Variants in OR9Q1 observed in about 807,000 individuals in gnomAD.
OR9Q1 encodes the protein olfactory receptor 9Q1.
For synonymous variants in OR9Q1, 153 were observed against 148.6 expected, an observed-to-expected ratio of 1.03 and a Z score of -0.22; for missense variants, 374 against 378.8, an observed-to-expected ratio of 0.99 and a Z score of 0.11.
At chr11:58,159,454 TAA>T (rs71061579) in intron 2 of OR9Q1, among the ~76,000 whole-genome samples, 4 of 147,282 alleles carry the variant, frequency 2.7e-5, no homozygotes, top group African/African-American at 5.0e-5. Flanking sequence ...TTACAGAAGT[TAA>T]AAAAAAAAAC....
intron 2 of OR9Q1, among the ~76,000 whole-genome samples, chr11:58,152,549 T>C (rs1854363881): frequency 6.6e-6 from 1 of 152,216 alleles, no homozygotes; most frequent in Non-Finnish European, 1.5e-5. Context: ...TATATTTCTT[T>C]TGTAAATTTT....
chr11:58,042,062 T>A (rs1404049712), intron 1 of OR9Q1, among the ~76,000 whole-genome samples: 1 of 152,274 alleles, frequency 6.6e-6, no homozygotes, highest in Non-Finnish European at 1.5e-5. Context: ...GTTTAAGGAA[T>A]GTTTATGGAG....
chr11:58,166,341 A>T (rs1482401580), intron 2 of OR9Q1, among the ~76,000 whole-genome samples: 1 of 152,082 alleles, frequency 6.6e-6, no homozygotes, highest in Non-Finnish European at 1.5e-5. Context: ...CCCAGAAGTA[A>T]CTCCTATTAG....
At chr11:58,080,406 C>T (rs748338021) in intron 2 of OR9Q1, among the ~76,000 whole-genome samples, 9 of 152,092 alleles carry the variant, frequency 5.9e-5, no homozygotes, top group Non-Finnish European at 1.3e-4. Context: ...TGGGCACCCA[C>T]ATTGATTTCC....
chr11:58,067,995 A>G (rs1853446028), intron 2 of OR9Q1, among the ~76,000 whole-genome samples: 1 of 152,134 alleles, frequency 6.6e-6, no homozygotes, highest in African/African-American at 2.4e-5. Context: ...TTTCTCACCC[A>G]CGCTGCCTCA....
rs1217426777 is a variant in OR9Q1, at chr11:58,038,955, C to T, written c.-93+14851C>T. On this transcript the variant is annotated intron_variant, in intron 1 of 2. Transcript: ENST00000335397. ...TGTGGAATGCTACAGCTTTGTTCCT[C>T]TAAATTGAATCTTCTTCTTTATTTT... Among the ~76,000 whole-genome samples the T allele has an allele frequency of 4.6e-5, 7 of 152,094 alleles. No homozygotes were observed. The South Asian group carries it at 1.2e-3, about 27-fold the overall frequency.
At chr11:58,114,487 G>A (rs888483048) in intron 2 of OR9Q1, among the ~76,000 whole-genome samples, 2 of 152,158 alleles carry the variant, frequency 1.3e-5, no homozygotes, top group Non-Finnish European at 2.9e-5. Context: ...TCTGGGAGAA[G>A]CCTGTTACCT....
intron 2 of OR9Q1, among the ~76,000 whole-genome samples, chr11:58,167,642 G>A (rs1854517569): frequency 6.6e-6 from 1 of 152,146 alleles, no homozygotes; most frequent in Non-Finnish European, 1.5e-5. Context: ...TGCATCTACG[G>A]TCAATTGTGG....
chr11:58,081,059 C>T (rs1340869815), intron 2 of OR9Q1, among the ~76,000 whole-genome samples: 1 of 151,870 alleles, frequency 6.6e-6, no homozygotes, highest in African/African-American at 2.4e-5. Context: ...TGAATGAGAA[C>T]ATGTGGTGTT....
chr11:58,124,768 T>G (rs1590604142), intron 2 of OR9Q1: 2 of 152,348 alleles, frequency 1.3e-5, no homozygotes, highest in South Asian at 4.1e-4. Flanking sequence ...CTAACCCTGG[T>G]TCTCTGACCC....
intron 2 of OR9Q1, chr11:58,125,275 T>A (rs965022771): frequency 1.7e-4 from 20 of 118,420 alleles, no homozygotes; most frequent in African/African-American, 6.4e-4. Flanking sequence ...CAGTCTTACT[T>A]GTATATTTCA....
chr11:58,167,882 G>A (rs1854519919), intron 2 of OR9Q1, among the ~76,000 whole-genome samples: 1 of 152,154 alleles, frequency 6.6e-6, no homozygotes, highest in Non-Finnish European at 1.5e-5. Context: ...CCCTTCAGCT[G>A]CATTTTTTTG....
At chr11:58,094,944 A>C (rs1337492391) in intron 2 of OR9Q1, among the ~76,000 whole-genome samples, 1 of 152,190 alleles carries the variant, frequency 6.6e-6, no homozygotes, top group Non-Finnish European at 1.5e-5. Flanking sequence ...TTACTTCCAC[A>C]AGGGATGATA....
chr11:58,180,316 T>C lies in OR9Q1; in HGVS notation c.872T>C (p.Leu291Pro). The C allele has an allele frequency of 6.2e-7, 1 of 1,610,714 alleles. No homozygotes were observed. Among genetic ancestry groups the C allele is most frequent in the Non-Finnish European group, 8.5e-7 (1 of 1,177,640 alleles). Residue 291 changes from leucine to proline, a missense_variant, in exon 3 of 3, where the codon CTG (leucine) becomes CCG (proline). Transcript: ENST00000335397. ...ATGTTGAATCCCCTCATCTACAGCCTGAGGAACAAGGAAGTGAAGGAGGCC... is the reference window on the plus strand; with the variant it reads ...ATGTTGAATCCCCTCATCTACAGCCCGAGGAACAAGGAAGTGAAGGAGGCC... Reference protein sequence around the residue: ...IPMLNPLIYSLRNKEVKEALR... With the variant: ...IPMLNPLIYSPRNKEVKEALR...
At chr11:58,057,419 GT>G (rs1853339191) in intron 2 of OR9Q1, among the ~76,000 whole-genome samples, 1 of 152,086 alleles carries the variant, frequency 6.6e-6, no homozygotes, top group Admixed American at 6.6e-5. Flanking sequence ...TCTTCTCTTG[GT>G]GTTGTTGGTT....
intron 2 of OR9Q1, chr11:58,118,827 C>A (rs1304569138): frequency 1.2e-6 from 2 of 1,614,032 alleles, no homozygotes; most frequent in African/African-American, 2.7e-5. Context: ...TGGCCAAAAT[C>A]ACAAAATTGC....
intron 2 of OR9Q1, among the ~76,000 whole-genome samples, chr11:58,082,804 T>A (rs1029069419): frequency 6.7e-6 from 1 of 149,482 alleles, no homozygotes; most frequent in Non-Finnish European, 1.5e-5. Context: ...AAAATTTTAT[T>A]ATTATTATAC....
At chr11:58,109,855 C>T (rs1853882433) in intron 2 of OR9Q1, among the ~76,000 whole-genome samples, 1 of 152,174 alleles carries the variant, frequency 6.6e-6, no homozygotes, top group African/African-American at 2.4e-5. Flanking sequence ...TGCATCCCAC[C>T]TGAAATTGGA....
chr11:58,150,143 G>A (rs1854336556), intron 2 of OR9Q1, among the ~76,000 whole-genome samples: 3 of 151,922 alleles, frequency 2.0e-5, no homozygotes, highest in Admixed American at 2.0e-4. Context: ...CATTTTTTTG[G>A]TAATAGCTAT....
Sources: allele counts gnomAD v4.1 joint callset (sites outside exome capture counted in the v4.1 genomes callset), GRCh38; gene constraint gnomAD v4.1.1; transcripts MANE v1.5; gene names NCBI Gene and HGNC (gene_info 2026-07-23, HGNC 2026-07-21).